The following ARHGAP12 variants were observed in gnomAD, a reference collection of about 807,000 sequenced individuals.
ARHGAP12 encodes the protein Rho GTPase activating protein 12.
In ARHGAP12, 64 loss-of-function variants were observed where a neutral mutation model predicts 108.6. The observed-to-expected ratio is 0.59, with a 90% CI of 0.48 to 0.73. The LOEUF is 0.73. ARHGAP12 is among the 30% of genes least tolerant of loss of function. The probability of loss-of-function intolerance (pLI) is 0.00; values close to 1 mark genes in which losing one functional copy is unlikely to be tolerated. For missense variants in ARHGAP12, 940 were observed against 1,005.9 expected, an observed-to-expected ratio of 0.93 and a Z score of 0.89; for synonymous variants, 312 against 337.2, an observed-to-expected ratio of 0.93 and a Z score of 0.82.
chr10:31,909,955 C>G (rs1271220061), intron 2 of ARHGAP12, among the ~76,000 whole-genome samples: 1 of 152,002 alleles, frequency 6.6e-6, no homozygotes, highest in African/African-American at 2.4e-5. Flanking sequence ...GGGAGAAGAC[C>G]ATCTGAAGAG....
chr10:31,831,846 G>T (rs919345125), intron 9 of ARHGAP12, 46 bp from the exon 10 acceptor site: 1 of 1,267,848 alleles, frequency 7.9e-7, no homozygotes, highest in Non-Finnish European at 1.1e-6. Context: ...TAGACAATGA[G>T]GTCCAAGTTC....
chr10:31,889,194 G>T (rs2808075), intron 3 of ARHGAP12, among the ~76,000 whole-genome samples: 1 of 152,184 alleles, frequency 6.6e-6, no homozygotes, highest in Non-Finnish European at 1.5e-5. Context: ...TTACAGACGT[G>T]AGCCACCACA....
At chr10:31,886,492 G>C (rs1160504552) in intron 3 of ARHGAP12, among the ~76,000 whole-genome samples, 1 of 151,936 alleles carries the variant, frequency 6.6e-6, no homozygotes, top group African/African-American at 2.4e-5. Context: ...TTAAGCACAT[G>C]AATATTCCAG....
At chr10:31,878,066 A>G (rs1212704745) in intron 3 of ARHGAP12, among the ~76,000 whole-genome samples, 1 of 152,236 alleles carries the variant, frequency 6.6e-6, no homozygotes, top group Non-Finnish European at 1.5e-5. Context: ...CCTGTCTCAC[A>G]AAAATAAAAA....
chr10:31,927,394 G>A (rs1394808739), intron 1 of ARHGAP12, among the ~76,000 whole-genome samples: 1 of 152,138 alleles, frequency 6.6e-6, no homozygotes, highest in East Asian at 1.9e-4. Flanking sequence ...GTGGCTAGGG[G>A]CTAGATACTT....
At chr10:31,856,855 C>T (rs1836904720) in intron 4 of ARHGAP12, among the ~76,000 whole-genome samples, 1 of 152,058 alleles carries the variant, frequency 6.6e-6, no homozygotes, top group Non-Finnish European at 1.5e-5. Flanking sequence ...GAAAACAACA[C>T]TAGAGATACA....
intron 13 of ARHGAP12, 141 bp from the exon 14 acceptor site, chr10:31,814,502 T>C: frequency 3.1e-6 from 2 of 648,606 alleles, no homozygotes; most frequent in South Asian, 4.1e-5. Flanking sequence ...ATGTATGACT[T>C]AGATATTTGA....
chr10:31,836,289 T>G (rs1031673899), intron 9 of ARHGAP12, among the ~76,000 whole-genome samples: 1 of 152,206 alleles, frequency 6.6e-6, no homozygotes. Context: ...AATTTTAAAA[T>G]GCATATTCTC....
At chr10:31,922,180 CAAAA>C (rs56210740) in intron 1 of ARHGAP12, among the ~76,000 whole-genome samples, 2 of 66,130 alleles carry the variant, frequency 3.0e-5, no homozygotes, top group African/African-American at 6.4e-5. Flanking sequence ...GACCCTGCCT[CAAAA>C]AAAAAAAAAA....
intron 4 of ARHGAP12, among the ~76,000 whole-genome samples, chr10:31,859,898 G>C (rs185726663): frequency 4.0e-5 from 6 of 151,538 alleles, no homozygotes; most frequent in Admixed American, 3.3e-4. Flanking sequence ...GGGTTCAAGC[G>C]ATTCTCCTGC....
intron 10 of ARHGAP12, among the ~76,000 whole-genome samples, chr10:31,830,655 A>G (rs1304390828): frequency 6.6e-6 from 1 of 152,194 alleles, no homozygotes; most frequent in Non-Finnish European, 1.5e-5. Flanking sequence ...TAAATTTAAA[A>G]CTCTTTAAAT....
chr10:31,873,994 T>C (rs1837632366), intron 3 of ARHGAP12, among the ~76,000 whole-genome samples: 1 of 152,164 alleles, frequency 6.6e-6, no homozygotes, highest in Non-Finnish European at 1.5e-5. Context: ...GGTAACTCTA[T>C]CATCAGCATT....
intron 3 of ARHGAP12, among the ~76,000 whole-genome samples, chr10:31,896,739 C>A (rs553413089): frequency 6.6e-6 from 1 of 152,278 alleles, no homozygotes; most frequent in East Asian, 1.9e-4. Flanking sequence ...TGAAAATCAA[C>A]TGTAGAACTT....
chr10:31,884,630 C>T (rs1167239359), intron 3 of ARHGAP12, among the ~76,000 whole-genome samples: 4 of 152,194 alleles, frequency 2.6e-5, no homozygotes, highest in Middle Eastern at 6.3e-3. Context: ...CACTTGTCTA[C>T]CTTGCACTGT....
At chr10:31,878,483 T>C (rs1368583686) in intron 3 of ARHGAP12, among the ~76,000 whole-genome samples, 1 of 152,266 alleles carries the variant, frequency 6.6e-6, no homozygotes. Flanking sequence ...AGGTATTATC[T>C]GTATAGCAGT....
intron 3 of ARHGAP12, among the ~76,000 whole-genome samples, chr10:31,902,176 G>A (rs1838954507): frequency 6.6e-6 from 1 of 152,062 alleles, no homozygotes; most frequent in Non-Finnish European, 1.5e-5. Flanking sequence ...TGGTATTAAA[G>A]AAAGGACATA....
chr10:31,862,241 C>G (rs1415592953), intron 3 of ARHGAP12, among the ~76,000 whole-genome samples: 6 of 152,190 alleles, frequency 3.9e-5, no homozygotes, highest in African/African-American at 1.2e-4. Flanking sequence ...TCTATTCCTT[C>G]TCAGGTATAA....
At chr10:31,855,329 C>A (rs1836848293) in intron 4 of ARHGAP12, among the ~76,000 whole-genome samples, 1 of 152,118 alleles carries the variant, frequency 6.6e-6, no homozygotes, top group Non-Finnish European at 1.5e-5. Flanking sequence ...ATTTAAAAAT[C>A]ATTTATTAGG....
intron 3 of ARHGAP12, among the ~76,000 whole-genome samples, chr10:31,890,929 C>T (rs1056455590): frequency 1.3e-5 from 2 of 152,136 alleles, no homozygotes; most frequent in African/African-American, 4.8e-5. Flanking sequence ...TGAAACTGCA[C>T]ATACAGCATG....
Sources: gnomAD v4.1 joint callset for allele counts (sites outside exome capture counted in the v4.1 genomes callset) on GRCh38, gnomAD v4.1.1 for gene constraint, MANE v1.5 for transcripts, NCBI Gene and HGNC (gene_info 2026-07-23, HGNC 2026-07-21) for gene names.